Variants in ADCY8 observed in about 807,000 individuals in gnomAD.
ADCY8 encodes the protein adenylate cyclase type 8.
Under a neutral mutation model 119.7 loss-of-function variants are expected in ADCY8, and 51 were observed. The ratio of observed to expected loss-of-function variants is 0.43; its 90% CI spans 0.34 to 0.54. The LOEUF is 0.54. Ranked by LOEUF, ADCY8 falls within the 20% of genes least tolerant of loss-of-function variation. ADCY8 has a pLI of 0.03. For synonymous variants in ADCY8, 665 were observed against 651.0 expected, an observed-to-expected ratio of 1.02 and a Z score of -0.33; for missense variants, 1,383 against 1,598.8, an observed-to-expected ratio of 0.87 and a Z score of 2.30.
chr8:130,783,982 A>G (rs749926259), intron 16 of ADCY8, among the ~76,000 whole-genome samples, 177 bp from the exon 17 acceptor site: 34 of 152,196 alleles, frequency 2.2e-4, no homozygotes, highest in Admixed American at 2.6e-4. Context: ...ACATGGGAAG[A>G]CATAAGATTT....
chr8:130,854,832 T>C (rs1817661651), intron 9 of ADCY8, among the ~76,000 whole-genome samples: 217 of 56,652 alleles, frequency 3.8e-3, no homozygotes, highest in African/African-American at 4.9e-3. Context: ...CCTCCCTCCC[T>C]CCCTCCCTTC....
chr8:130,996,544 A>G (rs1296859194), intron 1 of ADCY8, among the ~76,000 whole-genome samples: 1 of 152,148 alleles, frequency 6.6e-6, no homozygotes, highest in Admixed American at 6.5e-5. Context: ...TAAAAATTGT[A>G]AAAAGTTTGT....
At chr8:130,933,152 G>T (rs1820683683) in intron 5 of ADCY8, among the ~76,000 whole-genome samples, 1 of 152,136 alleles carries the variant, frequency 6.6e-6, no homozygotes. Flanking sequence ...GTCCATTTCT[G>T]ACAGCAAATA....
At chr8:130,881,375 G>A (rs1242968534) in intron 8 of ADCY8, among the ~76,000 whole-genome samples, 3 of 152,132 alleles carry the variant, frequency 2.0e-5, no homozygotes, top group East Asian at 1.9e-4. Flanking sequence ...TGTACATTTC[G>A]ATGGAGCTTT....
chr8:130,866,842 G>A (rs1294876950), intron 9 of ADCY8, among the ~76,000 whole-genome samples: 1 of 152,058 alleles, frequency 6.6e-6, no homozygotes, highest in African/African-American at 2.4e-5. Context: ...GAGGCTTTTT[G>A]AGACAATCCA....
intron 14 of ADCY8, among the ~76,000 whole-genome samples, chr8:130,812,790 G>A: frequency 6.6e-6 from 1 of 152,124 alleles, no homozygotes; most frequent in East Asian, 1.9e-4. Context: ...ACACACATAT[G>A]TATGTATATG....
intron 2 of ADCY8, among the ~76,000 whole-genome samples, chr8:130,979,218 A>G (rs182505134): frequency 5.7e-4 from 87 of 152,300 alleles, no homozygotes; most frequent in African/African-American, 2.0e-3. Flanking sequence ...TCTAGTCAGG[A>G]CATATCACTG....
intron 2 of ADCY8, among the ~76,000 whole-genome samples, chr8:130,987,679 G>T (rs944982366): frequency 2.0e-5 from 3 of 151,826 alleles, no homozygotes; most frequent in Non-Finnish European, 4.4e-5. Context: ...TCCTTCACAG[G>T]GTATAGAATT....
Position 131,040,495 on chromosome 8 carries a change from G to T in ADCY8, c.-162C>A. ...TGCGCTAGGGCTCCCTGTAGGTCGG[G>T]TCATACTGTGCCCAGGGGCAAAGGG... On this transcript the variant is annotated 5_prime_UTR_variant, in exon 1 of 18. Transcript: ENST00000286355. The T allele has an allele frequency of 1.2e-6, 1 of 856,686 alleles. No individual in the cohort carries two copies. Among genetic ancestry groups the T allele is most frequent in the Non-Finnish European group, 1.6e-6 (1 of 624,246 alleles). The allele number at this position is 856,686 out of a possible 1,614,324, so 53.1% of individuals were successfully genotyped here. A position where few individuals can be genotyped will look rare whatever the true frequency, so the allele number is the denominator to read the frequency against.
intron 9 of ADCY8, among the ~76,000 whole-genome samples, chr8:130,850,523 T>C (rs1009522813): frequency 1.3e-5 from 2 of 152,232 alleles, no homozygotes; most frequent in East Asian, 3.9e-4. Flanking sequence ...GCAATCTGCT[T>C]CTCCTTGGGA....
At chr8:130,802,761 A>G (rs1227050203) in intron 14 of ADCY8, among the ~76,000 whole-genome samples, 1 of 152,164 alleles carries the variant, frequency 6.6e-6, no homozygotes, top group Non-Finnish European at 1.5e-5. Flanking sequence ...TCTCCGCTAG[A>G]TGGTGTTTTT....
intron 9 of ADCY8, among the ~76,000 whole-genome samples, chr8:130,866,050 T>C (rs1456560471): frequency 6.6e-6 from 1 of 152,176 alleles, no homozygotes; most frequent in East Asian, 1.9e-4. Context: ...CTTTCTCCCA[T>C]ACAGGTACTG....
intron 5 of ADCY8, among the ~76,000 whole-genome samples, chr8:130,925,596 A>G (rs866522587): frequency 7.2e-5 from 11 of 152,112 alleles, no homozygotes; most frequent in Non-Finnish European, 1.2e-4. Flanking sequence ...CATATTTTCT[A>G]TGTCACCTTA....
At chr8:130,920,144 TA>T (rs71304399) in intron 5 of ADCY8, among the ~76,000 whole-genome samples, 3,203 of 99,786 alleles carry the variant, frequency 0.032, 53 homozygotes, top group Admixed American at 0.066. Context: ...CTCCGTTTCT[TA>T]AAAAAAAAAA....
intron 5 of ADCY8, among the ~76,000 whole-genome samples, chr8:130,921,313 G>T (rs1315212126): frequency 6.6e-6 from 1 of 152,044 alleles, no homozygotes; most frequent in Non-Finnish European, 1.5e-5. Context: ...AAAAGCTGAA[G>T]TTGGTTTAAA....
chr8:130,943,257 C>T, intron 4 of ADCY8, 94 bp downstream of exon 4: 1 of 860,458 alleles, frequency 1.2e-6, no homozygotes, highest in Non-Finnish European at 1.9e-6. Context: ...ATGGTAATGA[C>T]ATTGGGGAAG....
At chr8:130,989,686 T>C (rs1822515392) in intron 2 of ADCY8, among the ~76,000 whole-genome samples, 1 of 152,218 alleles carries the variant, frequency 6.6e-6, no homozygotes, top group Admixed American at 6.5e-5. Flanking sequence ...ACTTAAAATA[T>C]ATAAATATCT....
chr8:131,032,983 A>G (rs185756827), intron 1 of ADCY8, among the ~76,000 whole-genome samples: 65 of 152,280 alleles, frequency 4.3e-4, no homozygotes, highest in Middle Eastern at 3.4e-3. Flanking sequence ...ACTGCCACTA[A>G]TCTTCATGTT....
intron 15 of ADCY8, among the ~76,000 whole-genome samples, chr8:130,789,260 A>G (rs1040520863): frequency 6.6e-6 from 1 of 152,174 alleles, no homozygotes; most frequent in Non-Finnish European, 1.5e-5. Flanking sequence ...CTAAACTCTA[A>G]TGGGCTGGCT....
Sources: allele counts gnomAD v4.1 joint callset (sites outside exome capture counted in the v4.1 genomes callset), GRCh38; gene constraint gnomAD v4.1.1; transcripts MANE v1.5; gene names NCBI Gene and HGNC (gene_info 2026-07-23, HGNC 2026-07-21).